Variants in MAU2 observed in about 807,000 individuals in gnomAD.
MAU2 encodes MAU2 sister chromatid cohesion factor, also known as MAU2 chromatid cohesion factor homolog.
In MAU2, 9 loss-of-function variants were observed where a neutral mutation model predicts 89.1. The ratio of observed to expected loss-of-function variants is 0.10; its 90% CI spans 0.06 to 0.18. The LOEUF is 0.18. Ranked by LOEUF, MAU2 falls within the 10% of genes least tolerant of loss-of-function variation. The probability of loss-of-function intolerance (pLI) is 1.00; values close to 1 mark genes in which losing one functional copy is unlikely to be tolerated. For missense variants in MAU2, 425 were observed against 803.5 expected (o/e 0.53, Z 5.69); for synonymous variants, 357 against 343.4 (o/e 1.04, Z -0.44).
At chr19:19,324,325 C>G (rs2061487239) in intron 1 of MAU2, among the ~76,000 whole-genome samples, 1 of 152,148 alleles carries the variant, frequency 6.6e-6, no homozygotes, top group Admixed American at 6.6e-5. Flanking sequence ...AGTGCCTAAG[C>G]TGTCGGGGAC....
Position 19,341,353 on chromosome 19 carries a change from G to A in MAU2, c.681G>A (p.Ser227=), listed in dbSNP as rs763656038. ...AGGGGAACCCCATCCAGAAGGAGTC[G>A]CTGCGTGTCTTCTTCCTGGTGCTCC... ...NWQGNPIQKE[S]LRVFFLVLQV... Residue 227 remains serine (S), a synonymous_variant, in exon 7 of 19, where the codon TCG becomes TCA. Transcript: ENST00000262815. The A allele has an allele frequency of 4.3e-5, 69 of 1,613,710 alleles. 1 individual carries two copies. Among genetic ancestry groups the A allele is most frequent in the South Asian group, 1.2e-4 (11 of 91,078 alleles).
In MAU2 at chr19:19,355,982, A is replaced by G. The variant is rs1460005986; in HGVS notation, c.*200A>G. 2.9e-6 allele frequency: 2 copies of G among 686,666 alleles called. No individual in the cohort carries two copies. 42.5% of individuals were successfully genotyped at this position (686,666 alleles called of 1,614,324 possible). The stretch of plus-strand genomic sequence containing the variant: ...CACCTCGCAGCAGGACCCCCAGTGC[A>G]GAGGCTCACAGGTGGCACACAGGCG... On this transcript the variant is annotated 3_prime_UTR_variant, in exon 19 of 19. Transcript: ENST00000262815.
At chr19:19,336,027 C>T in intron 2 of MAU2, 95 bp from the exon 3 acceptor site, 1 of 885,250 alleles carries the variant, frequency 1.1e-6, no homozygotes, top group Admixed American at 1.9e-5. Flanking sequence ...ACGTGTGTGC[C>T]CTGCAGACCT....
At position 19,334,145 on chromosome 19, in the gene MAU2, C is replaced by G. The variant is rs985499328; in HGVS notation, c.277-1573C>G. 4.1e-6 allele frequency: 4 copies of G among 984,354 alleles called. No homozygotes were observed. The African/African-American group carries it at 7.0e-5, about 17-fold the overall frequency. 61.0% of individuals were successfully genotyped at this position (984,354 alleles called of 1,614,324 possible). A position where few individuals can be genotyped will look rare whatever the true frequency, so the allele number is the denominator to read the frequency against. ...CCCAACTTCTGCTCTTCTGTTGCAT[C>G]ACACACGTTGCCACTGTCCCCACAC... On this transcript the variant is annotated intron_variant, in intron 1 of 18. Coordinates refer to ENST00000262815, the MANE Select transcript of MAU2 (RefSeq NM_015329.4).
At chr19:19,337,719 T>C (rs536001331) in intron 4 of MAU2, among the ~76,000 whole-genome samples, 31 of 152,162 alleles carry the variant, frequency 2.0e-4, no homozygotes, top group Non-Finnish European at 2.1e-4. Context: ...CAAATGGCCA[T>C]GTCAAGCATT....
At chr19:19,354,533 G>T in intron 17 of MAU2, 88 bp downstream of exon 17, 3 of 1,201,874 alleles carry the variant, frequency 2.5e-6, no homozygotes, top group South Asian at 1.2e-5. Flanking sequence ...CTCAGCCTTA[G>T]CTCGGACTAG....
chr19:19,354,692 C>T, intron 17 of MAU2: 1 of 540,044 alleles, frequency 1.9e-6, no homozygotes, highest in Non-Finnish European at 3.4e-6. Context: ...GACTTGGTAT[C>T]TGGTAGACTT....
intron 1 of MAU2, among the ~76,000 whole-genome samples, chr19:19,328,735 C>G (rs1393393925): frequency 1.3e-5 from 2 of 152,162 alleles, no homozygotes; most frequent in African/African-American, 4.8e-5. Context: ...CTTTAACTTT[C>G]TTACTTCTGA....
intron 5 of MAU2, 100 bp from the exon 6 acceptor site, chr19:19,340,746 T>G: frequency 1.6e-6 from 2 of 1,229,228 alleles, no homozygotes; most frequent in Non-Finnish European, 2.3e-6. Flanking sequence ...AACTGTCCCC[T>G]GAGGTGGCAT....
chr19:19,336,185 G>C lies in MAU2; in HGVS notation c.358G>C (p.Glu120Gln), dbSNP rs2061594941. ...ASLLSELYCQ[E>Q]NSVDAAKPLL... is the part of the protein sequence containing the mutation. ...TCTGTTGTCTGAATTGTACTGTCAA[G>C]AGGTAAGAACATATTAAGGTTTCTG... Residue 120 changes from glutamate to glutamine, a missense_variant and splice_region_variant, in exon 3 of 19, where the codon GAG becomes CAG. Coordinates refer to ENST00000262815, the MANE Select transcript of MAU2 (RefSeq NM_015329.4). 1 of 1,610,866 alleles carries C rather than the reference G, an allele frequency of 6.2e-7. No individual in the cohort carries two copies. The highest frequency in any genetic ancestry group is 2.2e-5 in the East Asian group (1 of 44,860).
chr19:19,327,140 T>A (rs570864940), intron 1 of MAU2, among the ~76,000 whole-genome samples: 307 of 147,048 alleles, frequency 2.1e-3, no homozygotes, highest in African/African-American at 6.9e-3. Context: ...TTTTTTTTTT[T>A]AGATGGACTC....
chr19:19,354,718 G>A (rs2048157960), intron 17 of MAU2: 1 of 503,160 alleles, frequency 2.0e-6, no homozygotes, highest in Non-Finnish European at 3.6e-6. Context: ...GTTAGCCGTG[G>A]CGCTCTCAGC....
intron 8 of MAU2, 39 bp downstream of exon 8, chr19:19,342,720 G>GGTCTT (rs1353197859): frequency 7.4e-6 from 12 of 1,613,438 alleles, no homozygotes; most frequent in African/African-American, 1.3e-5. Context: ...GCTGGGGGCG[G>GGTCTT]GGGCAGGGAG....
At chr19:19,332,871 G>A (rs2061567101) in intron 1 of MAU2, among the ~76,000 whole-genome samples, 1 of 152,038 alleles carries the variant, frequency 6.6e-6, no homozygotes, top group Non-Finnish European at 1.5e-5. Context: ...GAGGTCAGGA[G>A]TTTGAGACCA....
chr19:19,350,761 A>G (rs932750769), intron 16 of MAU2, among the ~76,000 whole-genome samples: 6 of 151,874 alleles, frequency 4.0e-5, no homozygotes, highest in South Asian at 4.1e-4. Context: ...TTAGCCGGGC[A>G]TGGTGGCAGG....
intron 1 of MAU2, among the ~76,000 whole-genome samples, chr19:19,331,747 A>G (rs2061557332): frequency 6.6e-6 from 1 of 152,132 alleles, no homozygotes; most frequent in Non-Finnish European, 1.5e-5. Flanking sequence ...CTCTACAAAA[A>G]AAAAAGAAAA....
In MAU2 at chr19:19,356,161, C is replaced by G. The variant is rs1354783211; in HGVS notation, c.*379C>G. 1 of 427,824 alleles carries G rather than the reference C, an allele frequency of 2.3e-6. No homozygotes were observed. The highest frequency in any genetic ancestry group is 4.7e-6 in the Non-Finnish European group (1 of 214,714). The allele number at this position is 427,824 out of a possible 1,614,324, so 26.5% of individuals were successfully genotyped here. ...TGCCCCAGGGGCACCACGCCTGACT[C>G]TCCATCACCCAGGCCTTGATGCCGA... On this transcript the variant is annotated 3_prime_UTR_variant, in exon 19 of 19. Coordinates refer to ENST00000262815, the MANE Select transcript of MAU2 (RefSeq NM_015329.4).
At position 19,337,385 on chromosome 19, in the gene MAU2, T is replaced by C. The variant is rs557915658; in HGVS notation, c.456+120T>C. 2.6e-4 allele frequency: 190 copies of C among 735,662 alleles called. No individual in the cohort carries two copies. In the South Asian group the frequency reaches 2.7e-3, roughly 11 times the overall value. The allele number at this position is 735,662 out of a possible 1,614,324, so 45.6% of individuals were successfully genotyped here. ...GCGCAGACCCCCTCGGGCTGGCACA[T>C]GGAGTAGGTGGGGACATGGGAACAT... On this transcript the variant is annotated intron_variant, in intron 4 of 18. Transcript: ENST00000262815.
intron 2 of MAU2, 39 bp downstream of exon 2, chr19:19,335,774 T>C (rs1438577861): frequency 6.2e-7 from 1 of 1,606,232 alleles, no homozygotes; most frequent in Admixed American, 1.7e-5. Context: ...TTTAAGGAAT[T>C]CTCCACTTAA....
Sources: allele counts gnomAD v4.1 joint callset (sites outside exome capture counted in the v4.1 genomes callset), GRCh38; gene constraint gnomAD v4.1.1; transcripts MANE v1.5; gene names NCBI Gene and HGNC (gene_info 2026-07-23, HGNC 2026-07-21).